The following PKNOX2 variants were observed in gnomAD, a reference collection of about 807,000 sequenced individuals.
PKNOX2 encodes homeobox protein PKNOX2.
Under a neutral mutation model 53.1 loss-of-function variants are expected in PKNOX2, and 14 were observed. The observed-to-expected ratio is 0.26, with a 90% CI of 0.17 to 0.41. The LOEUF is 0.41. Among genes scored for constraint, PKNOX2 ranks in the 10% least tolerant of loss-of-function variants. The pLI is 1.00. For missense variants in PKNOX2, 496 were observed against 602.8 expected (o/e 0.82, Z 1.85); for synonymous variants, 257 against 242.8 (o/e 1.06, Z -0.54).
intron 2 of PKNOX2, among the ~76,000 whole-genome samples, chr11:125,315,342 A>G (rs1013569626): frequency 3.4e-5 from 5 of 147,404 alleles, no homozygotes; most frequent in Non-Finnish European, 4.5e-5. Flanking sequence ...CTCTCTCTGC[A>G]TTAAAATTGA....
chr11:125,216,959 G>A (rs1012342872), intron 1 of PKNOX2, among the ~76,000 whole-genome samples: 8 of 152,088 alleles, frequency 5.3e-5, no homozygotes, highest in Admixed American at 6.6e-5. Flanking sequence ...GTGCATGTGC[G>A]TGAAATTAGG....
intron 2 of PKNOX2, chr11:125,258,912 G>T: frequency 2.8e-6 from 1 of 362,932 alleles, no homozygotes; most frequent in East Asian, 9.7e-5. Flanking sequence ...CTCAGCCTCA[G>T]CTCCAACAGT....
At chr11:125,310,340 C>G (rs1299275292) in intron 2 of PKNOX2, among the ~76,000 whole-genome samples, 2 of 151,886 alleles carry the variant, frequency 1.3e-5, no homozygotes, top group Non-Finnish European at 2.9e-5. Flanking sequence ...ACTAAAAATA[C>G]AAAAATTAAC....
intron 1 of PKNOX2, among the ~76,000 whole-genome samples, chr11:125,196,323 A>G (rs1202015028): frequency 2.0e-5 from 3 of 151,974 alleles, no homozygotes; most frequent in African/African-American, 4.8e-5. Context: ...TGGGCTGCAC[A>G]TTTTGCTGGT....
rs764248950 is a variant in PKNOX2 at position 125,165,940 on chromosome 11, G to C, written c.-201+1164G>C. Among the ~76,000 whole-genome samples the C allele has an allele frequency of 1.3e-5, 2 of 152,196 alleles. No individual in the cohort carries two copies. Among genetic ancestry groups the C allele is most frequent in the African/African-American group, 2.4e-5 (1 of 41,444 alleles). Reference sequence around the variant, plus strand: ...TCCCCAGGAAGAAACGAGCGAAATGGGCCGTCCTTTCCCGGGGCTCTTCAC... The same window carrying C: ...TCCCCAGGAAGAAACGAGCGAAATGCGCCGTCCTTTCCCGGGGCTCTTCAC... On this transcript the variant is annotated intron_variant, in intron 1 of 12. Transcript: ENST00000298282. The surrounding 1 kb of genome is among the most constrained non-coding windows in gnomAD (Gnocchi z 4.5).
chr11:125,315,322 A>C (rs1227325020), intron 2 of PKNOX2, among the ~76,000 whole-genome samples: 4 of 150,006 alleles, frequency 2.7e-5, no homozygotes, highest in African/African-American at 7.6e-5. Context: ...AAAAAAAAAA[A>C]AAAAAACACC....
chr11:125,395,953 C>CTTT (rs949920113), intron 6 of PKNOX2, among the ~76,000 whole-genome samples: 7 of 131,900 alleles, frequency 5.3e-5, no homozygotes, highest in Non-Finnish European at 6.6e-5. Context: ...ACTGGATCAT[C>CTTT]TTTTTTTTTT....
At chr11:125,216,825 G>T (rs767926724) in intron 1 of PKNOX2, among the ~76,000 whole-genome samples, 2 of 152,156 alleles carry the variant, frequency 1.3e-5, no homozygotes, top group Non-Finnish European at 2.9e-5. Context: ...CTGAGGTCAC[G>T]TGGCTGGCCT....
At chr11:125,330,707 T>TAC (rs919010713) in intron 2 of PKNOX2, among the ~76,000 whole-genome samples, 37 of 151,624 alleles carry the variant, frequency 2.4e-4, no homozygotes, top group Admixed American at 1.4e-3. Context: ...CACATACACA[T>TAC]ACACACACAC....
At chr11:125,406,817 C>T (rs1295158507) in intron 7 of PKNOX2, among the ~76,000 whole-genome samples, 5 of 149,128 alleles carry the variant, frequency 3.4e-5, no homozygotes, top group African/African-American at 7.4e-5. Context: ...TCATACTCAG[C>T]GTGTACGATC....
chr11:125,187,796 G>C lies in PKNOX2; in HGVS notation c.-201+23020G>C, dbSNP rs995541458. 2.6e-5 allele frequency among the ~76,000 whole-genome samples: 4 copies of C among 152,280 alleles called. No individual in the cohort carries two copies. The South Asian group carries it at 8.3e-4, about 32-fold the overall frequency. On this transcript the variant is annotated intron_variant, in intron 1 of 12. Transcript: ENST00000298282. ...CTCACCACTGAGTGTGATGTTAGCT[G>C]TCTACCACCCTTTTGATAATGGGTC...
At chr11:125,265,704 A>G (rs1385216829) in intron 2 of PKNOX2, among the ~76,000 whole-genome samples, 4 of 152,186 alleles carry the variant, frequency 2.6e-5, no homozygotes, top group East Asian at 3.9e-4. Flanking sequence ...CCCCACCCCA[A>G]TGGTCCCCAG....
At chr11:125,384,990 G>A (rs1953523537) in intron 5 of PKNOX2, among the ~76,000 whole-genome samples, 2 of 152,138 alleles carry the variant, frequency 1.3e-5, no homozygotes, top group Admixed American at 6.5e-5. Context: ...GACCTAAACT[G>A]AGTCTACCAA....
Position 125,410,308 on chromosome 11 carries a change from A to G in PKNOX2, c.701A>G (p.Asn234Ser). Residue 234 changes from asparagine (N) to serine (S), a missense_variant, in exon 8 of 13, where the codon AAC becomes AGC. Physicochemically the swap from Asn to Ser is conservative, Grantham distance 46. This residue lies in a region of PKNOX2 where 141 missense variants were observed against 143.9 expected (regional missense o/e 0.98). Coordinates refer to ENST00000298282, the MANE Select transcript of PKNOX2 (RefSeq NM_001382323.2). ...QQGNIAMTTV[N>S]SQVVSGGALY... ...GGCAACATCGCCATGACAACCGTCAACTCACAAGTTGTGTCAGGTCGGTGC... is the reference window on the plus strand; with the variant it reads ...GGCAACATCGCCATGACAACCGTCAGCTCACAAGTTGTGTCAGGTCGGTGC... 2 of 1,614,026 alleles carry G rather than the reference A, an allele frequency of 1.2e-6. No homozygotes were observed. Among genetic ancestry groups the G allele is most frequent in the South Asian group, 1.1e-5 (1 of 91,072 alleles).
intron 5 of PKNOX2, 77 bp from the exon 6 acceptor site, chr11:125,385,474 A>C (rs1953559914): frequency 1.4e-6 from 2 of 1,471,042 alleles, no homozygotes; most frequent in Non-Finnish European, 9.1e-7. Context: ...TGGGCAGGGG[A>C]GCCTGGTGGC....
intron 6 of PKNOX2, among the ~76,000 whole-genome samples, chr11:125,393,693 G>A (rs570465300): frequency 1.3e-4 from 20 of 152,232 alleles, no homozygotes; most frequent in Admixed American, 1.1e-3. Context: ...TTTGGACCCC[G>A]GGGGGCTGTG....
chr11:125,406,038 T>A (rs983516026), intron 7 of PKNOX2, among the ~76,000 whole-genome samples: 1 of 152,212 alleles, frequency 6.6e-6, no homozygotes. Flanking sequence ...AACACTCTTC[T>A]CACTTCCATC....
chr11:125,246,193 G>T (rs1169736936), intron 2 of PKNOX2, among the ~76,000 whole-genome samples: 1 of 152,228 alleles, frequency 6.6e-6, no homozygotes, highest in East Asian at 1.9e-4. Context: ...AGCCTGGGAA[G>T]TCCAGGATTA....
At chr11:125,188,851 C>T (rs920402969) in intron 1 of PKNOX2, among the ~76,000 whole-genome samples, 9 of 151,650 alleles carry the variant, frequency 5.9e-5, no homozygotes, top group African/African-American at 2.2e-4. Context: ...CCTCCTCATG[C>T]GCCGCCTTTT....
Sources: allele counts gnomAD v4.1 joint callset (sites outside exome capture counted in the v4.1 genomes callset), GRCh38; gene constraint gnomAD v4.1.1; regional missense constraint gnomAD v4.1.1; non-coding constraint Gnocchi (gnomAD v3.1); transcripts MANE v1.5; gene names NCBI Gene and HGNC (gene_info 2026-07-23, HGNC 2026-07-21).